The following ZNF596 variants were observed in gnomAD, a reference collection of about 807,000 sequenced individuals.
ZNF596 encodes the protein zinc finger protein 596.
ZNF596 carries 45 observed loss-of-function variants against 48.3 expected under a neutral mutation model. The ratio of observed to expected loss-of-function variants is 0.93; its 90% CI spans 0.73 to 1.19. ZNF596 has a LOEUF of 1.19. ZNF596 is among the 50% of genes most tolerant of loss of function. The pLI, the probability that ZNF596 is intolerant of heterozygous loss-of-function variation, is 0.00. For missense variants in ZNF596, 848 were observed against 599.7 expected (o/e 1.41, Z -4.32); for synonymous variants, 270 against 202.0 (o/e 1.34, Z -2.85).
intron 3 of ZNF596, 65 bp downstream of exon 3, chr8:243,078 A>C: frequency 2.0e-6 from 3 of 1,479,650 alleles, no homozygotes; most frequent in Non-Finnish European, 2.8e-6. Flanking sequence ...TTTTTCACTG[A>C]TTCATTCTTT....
intron 2 of ZNF596, among the ~76,000 whole-genome samples, chr8:242,025 G>C (rs370269155): frequency 1.3e-5 from 2 of 152,248 alleles, no homozygotes; most frequent in East Asian, 3.9e-4. Context: ...ACCTCCCACC[G>C]GACCCCTCCC....
In ZNF596 at chr8:245,282, G is replaced by A. The variant is rs745427789; in HGVS notation, c.435G>A (p.Gly145=). Reference sequence around the variant, plus strand: ...AACACTTTGTAAGCAAAAAGTTTGGGAAAATCTTCAGTGACTGGTTATCCT... The same window carrying A: ...AACACTTTGTAAGCAAAAAGTTTGGAAAAATCTTCAGTGACTGGTTATCCT... The part of the protein sequence containing the change: ...RTKHFVSKKF[G]KIFSDWLSFN... The change falls in exon 6 of 6, where the codon GGG becomes GGA. Residue 145 remains glycine (G), a synonymous_variant. Transcript: ENST00000398612. The A allele has an allele frequency of 1.9e-6, 3 of 1,614,034 alleles. No homozygotes were observed. Among genetic ancestry groups the A allele is most frequent in the South Asian group, 2.2e-5 (2 of 91,064 alleles).
In ZNF596 at chr8:245,834, C is replaced by A; in HGVS notation, c.987C>A (p.His329Gln). ...ACCTTAGACAACATGAAAGAACTCACAATGGAGAGAAACCATATGAATGTC... is the reference window on the plus strand; with the variant it reads ...ACCTTAGACAACATGAAAGAACTCAAAATGGAGAGAAACCATATGAATGTC... Reference protein sequence around the residue: ...CSYLRQHERTHNGEKPYECHL... With the variant: ...CSYLRQHERTQNGEKPYECHL... The change falls in exon 6 of 6, where the codon CAC becomes CAA. Residue 329 changes from histidine to glutamine, a missense_variant. By Grantham distance (24) the His-to-Gln change is conservative (BLOSUM62 0). Transcript: ENST00000398612. 6.2e-7 allele frequency: 1 copy of A among 1,614,078 alleles called. No homozygotes were observed. The highest frequency in any genetic ancestry group is 8.5e-7 in the Non-Finnish European group (1 of 1,180,012).
chr8:240,317 C>A (rs774587306), intron 1 of ZNF596: 2 of 152,636 alleles, frequency 1.3e-5, no homozygotes, highest in Non-Finnish European at 2.9e-5. Flanking sequence ...ACTTGAGGGA[C>A]TGGTATTTCT....
At chr8:244,303 T>C (rs1796970548) in intron 4 of ZNF596, 1 of 299,068 alleles carries the variant, frequency 3.3e-6, no homozygotes, top group East Asian at 8.3e-5. Context: ...CAAGTATCTC[T>C]CTGTCATTGT....
chr8:237,629 G>T (rs546631273), intron 1 of ZNF596: 8 of 152,296 alleles, frequency 5.3e-5, no homozygotes, highest in Admixed American at 4.6e-4. Context: ...ATTTATGTAT[G>T]TGTGATCTCA....
intron 1 of ZNF596, among the ~76,000 whole-genome samples, chr8:237,861 T>C (rs1483525683): frequency 6.6e-6 from 1 of 152,238 alleles, no homozygotes; most frequent in Non-Finnish European, 1.5e-5. Flanking sequence ...AGCACTGTTT[T>C]AATCTCCATG....
chr8:246,151 G>A lies in ZNF596; in HGVS notation c.1304G>A (p.Arg435Lys). Reference sequence around the variant, plus strand: ...GCCTTCAATCACTCTTCTGTCCTTAGACGACATGAGAGAACTCACACTGGA... The same window carrying A: ...GCCTTCAATCACTCTTCTGTCCTTAAACGACATGAGAGAACTCACACTGGA... ...GKAFNHSSVLRRHERTHTGEK... is the reference protein window; with the variant it reads ...GKAFNHSSVLKRHERTHTGEK... The change falls in exon 6 of 6, where the codon AGA (arginine) becomes AAA (lysine). Residue 435 changes from arginine to lysine, a missense_variant. Physicochemically the swap from Arg to Lys is conservative, Grantham distance 26. Transcript: ENST00000398612. 6.2e-7 allele frequency: 1 copy of A among 1,613,750 alleles called. No individual in the cohort carries two copies. The highest frequency in any genetic ancestry group is 8.5e-7 in the Non-Finnish European group (1 of 1,179,794).
At chr8:243,227 T>C (rs1796925567) in intron 3 of ZNF596, 2 of 400,460 alleles carry the variant, frequency 5.0e-6, no homozygotes, top group South Asian at 9.0e-5. Context: ...TAGAAAGTCA[T>C]CTTTCTGACC....
At chr8:242,671 CAT>C (rs1796901787) in intron 2 of ZNF596, among the ~76,000 whole-genome samples, 1 of 152,184 alleles carries the variant, frequency 6.6e-6, no homozygotes, top group South Asian at 2.1e-4. Flanking sequence ...TGCCACACCA[CAT>C]GTGATATTTC....
intron 1 of ZNF596, chr8:233,651 A>G (rs978324579): frequency 6.5e-6 from 1 of 152,798 alleles, no homozygotes; most frequent in Non-Finnish European, 1.5e-5. Context: ...CTTTGTTCCA[A>G]CAGATTACAT....
Position 245,158 on chromosome 8 carries a change from C to G in ZNF596, c.311C>G (p.Ser104Cys), listed in dbSNP as rs1175132052. The change falls in exon 6 of 6, where the codon TCT becomes TGT. Residue 104 changes from serine (S) to cysteine (C), a missense_variant. Transcript: ENST00000398612. ...TCATTTCATTCCCAAAACCAGAGAT[C>G]TCATACTCAAGAGGATCCTTTTCTA... is the stretch of plus-strand genomic sequence containing the variant. The part of the protein sequence containing the change: ...KGTSTISTMR[S>C]HTQEDPFLCN... 6.3e-7 allele frequency: 1 copy of G among 1,578,044 alleles called. No homozygotes were observed. The highest frequency in any genetic ancestry group is 1.4e-5 in the African/African-American group (1 of 73,208).
chr8:232,987 C>G (rs1316483093), intron 1 of ZNF596: 1 of 468,720 alleles, frequency 2.1e-6, no homozygotes, highest in African/African-American at 2.1e-5. Flanking sequence ...TTCCCGGTGT[C>G]CCACTGAGAA....
chr8:240,136 T>C (rs1796792785), intron 1 of ZNF596, among the ~76,000 whole-genome samples: 1 of 152,254 alleles, frequency 6.6e-6, no homozygotes, highest in African/African-American at 2.4e-5. Flanking sequence ...ACATACATGT[T>C]CAAGTTTTCA....
Position 246,430 on chromosome 8 carries a change from G to C in ZNF596, c.*68G>C, listed in dbSNP as rs1346721064. The stretch of plus-strand genomic sequence containing the variant: ...AACATACTACAGGAATATTATGTCT[G>C]TAATCAGTGTGGAAAAGCCTTTATT... On this transcript the variant is annotated 3_prime_UTR_variant, in exon 6 of 6. Coordinates refer to ENST00000398612, the MANE Select transcript of ZNF596 (RefSeq NM_001042416.3). 4.1e-5 allele frequency: 62 copies of C among 1,505,354 alleles called. No homozygotes were observed. The highest frequency in any genetic ancestry group is 5.5e-5 in the Non-Finnish European group (62 of 1,131,434). The allele number at this position is 1,505,354 out of a possible 1,614,324, so 93.2% of individuals were successfully genotyped here. A position where few individuals can be genotyped will look rare whatever the true frequency, so the allele number is the denominator to read the frequency against.
chr8:240,944 C>T, intron 2 of ZNF596, 37 bp downstream of exon 2: 4 of 1,613,300 alleles, frequency 2.5e-6, no homozygotes, highest in Non-Finnish European at 3.4e-6. Context: ...GAAATTTGTA[C>T]CCCTGTTACC....
Position 246,311 on chromosome 8 carries a change from T to C in ZNF596, c.1464T>C (p.Phe488=). ...PLCGKAFSKF[F]NLRQHERTHT... ...GTGGGAAAGCCTTTAGTAAATTTTT[T>C]AACCTTAGACAACATGAGAGAACTC... Residue 488 remains phenylalanine, a synonymous_variant, in exon 6 of 6, where the codon TTT becomes TTC. Transcript: ENST00000398612. 1 of 1,606,478 alleles carries C rather than the reference T, an allele frequency of 6.2e-7. No homozygotes were observed. Among genetic ancestry groups the C allele is most frequent in the Non-Finnish European group, 8.5e-7 (1 of 1,177,862 alleles).
rs773899860 is a variant in ZNF596 at position 245,827 on chromosome 8, G to T, written c.980G>T (p.Arg327Ile). 1.2e-6 allele frequency: 2 copies of T among 1,613,922 alleles called. No individual in the cohort carries two copies. Among genetic ancestry groups the T allele is most frequent in the African/African-American group, 1.3e-5 (1 of 74,894 alleles). ...SKCSYLRQHE[R>I]THNGEKPYEC... ...TGTTCTTACCTTAGACAACATGAAA[G>T]AACTCACAATGGAGAGAAACCATAT... The change falls in exon 6 of 6, where the codon AGA becomes ATA. Residue 327 changes from arginine to isoleucine, a missense_variant. Arg to Ile is a moderately conservative substitution (Grantham distance 97). Transcript: ENST00000398612.
At chr8:244,302 C>G (rs1475792711) in intron 4 of ZNF596, 2 of 296,160 alleles carry the variant, frequency 6.8e-6, no homozygotes, top group East Asian at 1.7e-4. Context: ...TCAAGTATCT[C>G]TCTGTCATTG....
Sources: gnomAD v4.1 joint callset for allele counts (sites outside exome capture counted in the v4.1 genomes callset) on GRCh38, gnomAD v4.1.1 for gene constraint, MANE v1.5 for transcripts, NCBI Gene and HGNC (gene_info 2026-07-23, HGNC 2026-07-21) for gene names.